The following RASA3 variants were observed in gnomAD, a reference collection of about 807,000 sequenced individuals.
RASA3 encodes RAS p21 protein activator 3, also known as ras GTPase-activating protein 3.
A neutral mutation model predicts 110.0 loss-of-function variants in RASA3; 73 were observed. The ratio of observed to expected loss-of-function variants is 0.66; its 90% confidence interval spans 0.55 to 0.81. The LOEUF (loss-of-function observed/expected upper bound fraction) is 0.81. Among genes scored for constraint, RASA3 ranks in the 30% least tolerant of loss-of-function variants. The pLI is 0.00. For synonymous variants in RASA3, 500 were observed against 451.4 expected (o/e 1.11, Z -1.37); for missense variants, 976 against 1,113.2 (o/e 0.88, Z 1.75).
At position 114,017,313 on chromosome 13, in the gene RASA3, G is replaced by C; in HGVS notation, c.1130C>G (p.Ser377Cys). 1.2e-6 allele frequency: 2 copies of C among 1,614,044 alleles called. No individual in the cohort carries two copies. Among genetic ancestry groups the C allele is most frequent in the Non-Finnish European group, 1.7e-6 (2 of 1,180,050 alleles). The change falls in exon 12 of 24, where the codon TCC becomes TGC. Residue 377 changes from serine to cysteine, a missense_variant. Transcript: ENST00000334062. ...CTTCATGGTCTCGTCGATGCACTTGGACGCCAGTGAGTTTCCTCGGAAGAT... is the reference window on the plus strand; with the variant it reads ...CTTCATGGTCTCGTCGATGCACTTGCACGCCAGTGAGTTTCCTCGGAAGAT... ...NTIFRGNSLA[S>C]KCIDETMKLA...
chr13:114,101,760 C>G (rs1294441440), intron 1 of RASA3, among the ~76,000 whole-genome samples: 2 of 152,162 alleles, frequency 1.3e-5, no homozygotes, highest in South Asian at 2.1e-4. Flanking sequence ...CACCCGGGGT[C>G]CTGGGGGTGA....
chr13:113,978,486 A>G lies in RASA3; in HGVS notation c.*861T>C, dbSNP rs1274523461. ...TTAAAAATGGTCCTTCAAAAACATA[A>G]AGAAAAACAGCTTGAAAAATGTACA... On this transcript the variant is annotated 3_prime_UTR_variant, in exon 24 of 24. Transcript: ENST00000334062. 1 of 152,244 alleles carries G rather than the reference A, an allele frequency of 6.6e-6. No individual in the cohort carries two copies. The highest frequency in any genetic ancestry group is 1.5e-5 in the Non-Finnish European group (1 of 68,048). 9.4% of individuals were successfully genotyped at this position (152,244 alleles called of 1,614,324 possible).
At chr13:114,127,082 G>A (rs961497623) in intron 1 of RASA3, among the ~76,000 whole-genome samples, 5 of 152,138 alleles carry the variant, frequency 3.3e-5, no homozygotes, top group Non-Finnish European at 5.9e-5. Context: ...ACACACACAC[G>A]TCTATGTTTA....
At chr13:114,121,245 G>T (rs1196285931) in intron 1 of RASA3, among the ~76,000 whole-genome samples, 1 of 152,246 alleles carries the variant, frequency 6.6e-6, no homozygotes, top group Non-Finnish European at 1.5e-5. Context: ...GGACCCCCGT[G>T]CCCCAAACAC....
chr13:114,012,930 A>G (rs1312341190), intron 15 of RASA3, among the ~76,000 whole-genome samples: 1 of 101,906 alleles, frequency 9.8e-6, no homozygotes, highest in East Asian at 2.7e-4. Context: ...CACTCCACAC[A>G]CTCCTCATTC....
At chr13:114,052,304 G>C in intron 2 of RASA3, 149 bp from the exon 3 acceptor site, 1 of 599,346 alleles carries the variant, frequency 1.7e-6, no homozygotes, top group Non-Finnish European at 3.0e-6. Context: ...GCAGCTCCCT[G>C]TGGGGTGAAG....
chr13:114,070,792 C>T (rs1382492496), intron 2 of RASA3, among the ~76,000 whole-genome samples: 2 of 132,198 alleles, frequency 1.5e-5, no homozygotes, highest in Admixed American at 7.6e-5. Context: ...CCGGCGTCCA[C>T]GCTAAACGGC....
At chr13:113,997,941 T>A (rs1412139863) in intron 20 of RASA3, among the ~76,000 whole-genome samples, 4 of 152,120 alleles carry the variant, frequency 2.6e-5, no homozygotes, top group Non-Finnish European at 5.9e-5. Context: ...ATGGCTGTGA[T>A]CCCCCATGGA....
chr13:114,052,394 C>T (rs2079160367), intron 2 of RASA3, among the ~76,000 whole-genome samples: 1 of 152,180 alleles, frequency 6.6e-6, no homozygotes, highest in South Asian at 2.1e-4. Flanking sequence ...TGCCTGGCGG[C>T]CCGGAAGCTG....
chr13:114,062,188 G>GTT (rs56360014), intron 2 of RASA3, among the ~76,000 whole-genome samples: 32,042 of 148,634 alleles, frequency 0.22, 3,492 homozygotes, highest in South Asian at 0.33. Context: ...TTTCCTGTGG[G>GTT]TTTTTTTTTT....
intron 21 of RASA3, among the ~76,000 whole-genome samples, chr13:113,994,913 G>A (rs1472825059): frequency 6.6e-6 from 1 of 152,238 alleles, no homozygotes; most frequent in Non-Finnish European, 1.5e-5. Context: ...GGTCGAGGCT[G>A]CAGTGAGCTG....
intron 2 of RASA3, among the ~76,000 whole-genome samples, chr13:114,060,175 G>A (rs2079314460): frequency 6.6e-6 from 1 of 152,228 alleles, no homozygotes; most frequent in Non-Finnish European, 1.5e-5. Context: ...TAGGAGCAAG[G>A]AGAAGGCTGA....
At chr13:114,039,019 A>G (rs1478963327) in intron 4 of RASA3, among the ~76,000 whole-genome samples, 3 of 152,232 alleles carry the variant, frequency 2.0e-5, no homozygotes, top group Non-Finnish European at 4.4e-5. Flanking sequence ...AGTGGCACAC[A>G]CGCCATACCA....
chr13:114,011,243 G>C lies in RASA3; in HGVS notation c.1518C>G (p.Pro506=), dbSNP rs143535362. 1.1e-5 allele frequency: 18 copies of C among 1,612,408 alleles called. No individual in the cohort carries two copies. In the African/African-American group the frequency reaches 2.1e-4, roughly 19 times the overall value. ...LFQLTPHHTD[P]QTSRTLTLIS... is the part of the protein sequence containing the mutation. ...TCAATGTCAGCGTCCTGGACGTCTG[G>C]GGGTCCTGGGGAGGCGGGAGCAAGA... Residue 506 remains proline, a synonymous_variant, in exon 16 of 24, where the codon CCC becomes CCG. Transcript: ENST00000334062. This position sits in a 1 kb window ranked among gnomAD's most constrained non-coding sequence, Gnocchi z 4.8.
chr13:114,088,744 T>G (rs1384860080), intron 1 of RASA3, among the ~76,000 whole-genome samples: 3 of 152,128 alleles, frequency 2.0e-5, no homozygotes, highest in Non-Finnish European at 4.4e-5. Context: ...GAGACAAGGT[T>G]TCTCCATGTT....
chr13:114,089,281 G>A (rs909888566), intron 1 of RASA3, among the ~76,000 whole-genome samples: 6 of 147,324 alleles, frequency 4.1e-5, no homozygotes, highest in Non-Finnish European at 9.0e-5. Flanking sequence ...GGGAGACGAG[G>A]GGAGACGAGC....
intron 1 of RASA3, among the ~76,000 whole-genome samples, chr13:114,094,423 T>A: frequency 6.6e-6 from 1 of 152,218 alleles, no homozygotes. Flanking sequence ...AAATGTGATA[T>A]GTCATTTGTG....
chr13:114,032,007 A>T (rs2054178837), intron 4 of RASA3, among the ~76,000 whole-genome samples: 1 of 152,224 alleles, frequency 6.6e-6, no homozygotes, highest in African/African-American at 2.4e-5. Context: ...AATATATCAG[A>T]CACCTAGCCA....
At chr13:114,000,027 G>A (rs1476200718) in intron 19 of RASA3, among the ~76,000 whole-genome samples, 2 of 78,926 alleles carry the variant, frequency 2.5e-5, no homozygotes, top group African/African-American at 1.1e-4. Flanking sequence ...GAGGGTCTCT[G>A]CTAGAGGGTC....
Sources: allele counts gnomAD v4.1 joint callset (sites outside exome capture counted in the v4.1 genomes callset), GRCh38; gene constraint gnomAD v4.1.1; non-coding constraint Gnocchi (gnomAD v3.1); transcripts MANE v1.5; gene names NCBI Gene and HGNC (gene_info 2026-07-23, HGNC 2026-07-21).